The following ELAVL1 variants were observed in gnomAD, a reference collection of about 807,000 sequenced individuals.
ELAVL1 encodes ELAV like RNA binding protein 1, also known as ELAV-like protein 1.
In ELAVL1, 1 loss-of-function variant was observed where a neutral mutation model predicts 28.4. That is an observed-to-expected ratio of 0.04 (90% CI 0.01 to 0.17). The LOEUF (loss-of-function observed/expected upper bound fraction) is 0.17. Among genes scored for constraint, ELAVL1 ranks in the 10% least tolerant of loss-of-function variants. ELAVL1 has a pLI of 1.00. For synonymous variants in ELAVL1, 174 were observed against 183.5 expected (o/e 0.95, Z 0.42); for missense variants, 157 against 447.2 (o/e 0.35, Z 5.85).
At chr19:7,995,268 T>C (rs1225293440) in intron 1 of ELAVL1, among the ~76,000 whole-genome samples, 1 of 152,264 alleles carries the variant, frequency 6.6e-6, no homozygotes, top group East Asian at 1.9e-4. Flanking sequence ...TTGCTCAAAA[T>C]GTAATTCAAG....
chr19:8,000,383 T>C (rs1474000719), intron 1 of ELAVL1, among the ~76,000 whole-genome samples: 1 of 152,216 alleles, frequency 6.6e-6, no homozygotes, highest in Admixed American at 6.5e-5. Flanking sequence ...TCTTTATGTG[T>C]GACAGAAAAA....
intron 5 of ELAVL1, among the ~76,000 whole-genome samples, 179 bp downstream of exon 5, chr19:7,967,386 C>T (rs954372769): frequency 6.6e-6 from 1 of 152,212 alleles, no homozygotes; most frequent in African/African-American, 2.4e-5. Flanking sequence ...CGGAAGTAAA[C>T]GGCTTTCCTA....
rs1192673200 is a variant in ELAVL1, at chr19:7,979,789, C to T, written c.276+1294G>A. Among the ~76,000 whole-genome samples the T allele has an allele frequency of 1.3e-5, 2 of 152,326 alleles. No individual in the cohort carries two copies. Among genetic ancestry groups the T allele is most frequent in the East Asian group, 1.9e-4 (1 of 5,178 alleles). On this transcript the variant is annotated intron_variant, in intron 3 of 5. Coordinates refer to ENST00000407627, the MANE Select transcript of ELAVL1 (RefSeq NM_001419.3). The surrounding 1 kb of genome is among the most constrained non-coding windows in gnomAD (Gnocchi z 5.4). ...GCGGCATGGGGCAGGTCTGGGAGAG[C>T]TGCTGCTGAGCCAGGGTTTGGCCAC... is the stretch of plus-strand genomic sequence containing the variant.
chr19:7,967,450 C>T (rs1046523870), intron 5 of ELAVL1, 115 bp downstream of exon 5: 33 of 1,172,142 alleles, frequency 2.8e-5, no homozygotes, highest in African/African-American at 2.0e-4. Flanking sequence ...GATTCTGAAA[C>T]GCGCTCTCTG....
intron 4 of ELAVL1, among the ~76,000 whole-genome samples, chr19:7,969,030 G>A (rs1261184434): frequency 6.6e-6 from 1 of 152,176 alleles, no homozygotes; most frequent in African/African-American, 2.4e-5. Flanking sequence ...GTCCCAGTGG[G>A]AGAGGCCGTC....
intron 1 of ELAVL1, among the ~76,000 whole-genome samples, chr19:7,992,918 G>A (rs1985789340): frequency 6.6e-6 from 1 of 152,204 alleles, no homozygotes; most frequent in South Asian, 2.1e-4. Context: ...TGGGAACGCA[G>A]GCATGTGCCA....
chr19:7,963,905 A>C lies in ELAVL1; in HGVS notation c.657-98T>G, dbSNP rs1173653129. 7.3e-7 allele frequency: 1 copy of C among 1,366,570 alleles called. No homozygotes were observed. The highest frequency in any genetic ancestry group is 9.9e-7 in the Non-Finnish European group (1 of 1,015,026). 84.7% of individuals were successfully genotyped at this position (1,366,570 alleles called of 1,614,324 possible). On this transcript the variant is annotated intron_variant, in intron 5 of 5. Coordinates refer to ENST00000407627, the MANE Select transcript of ELAVL1 (RefSeq NM_001419.3). The surrounding 1 kb of genome is among the most constrained non-coding windows in gnomAD (Gnocchi z 4.5). ...ATGCTGACCATGGCCGCTGGGCCCC[A>C]TCCCGCTCTGCGCAGCCACGAGGTG...
rs138277771 is a variant in ELAVL1 at position 7,968,424 on chromosome 19, C to T, written c.431-634G>A. On this transcript the variant is annotated intron_variant, in intron 4 of 5. Coordinates refer to ENST00000407627, the MANE Select transcript of ELAVL1 (RefSeq NM_001419.3). ...CTCACTCCTGTCTTGGGATACTCCA[C>T]TCTAAGGTCCTACACCCCTCCCGTG... 1.1e-3 allele frequency among the ~76,000 whole-genome samples: 164 copies of T among 152,376 alleles called. 1 individual carries two copies. The highest frequency in any genetic ancestry group is 3.8e-3 in the African/African-American group (160 of 41,596).
chr19:7,998,398 A>G (rs2081056445), intron 1 of ELAVL1, among the ~76,000 whole-genome samples: 1 of 152,218 alleles, frequency 6.6e-6, no homozygotes, highest in African/African-American at 2.4e-5. Context: ...CGGCGGTCAC[A>G]CGATGATGCT....
intron 1 of ELAVL1, among the ~76,000 whole-genome samples, chr19:7,998,983 G>A (rs2145229204): frequency 6.6e-6 from 1 of 151,754 alleles, no homozygotes; most frequent in Non-Finnish European, 1.5e-5. Flanking sequence ...TCATTTTGTT[G>A]CCCATGCTGG....
Position 7,991,792 on chromosome 19 carries a change from G to A in ELAVL1, c.24C>T (p.His8=). 1.2e-6 allele frequency: 2 copies of A among 1,613,532 alleles called. No homozygotes were observed. Among genetic ancestry groups the A allele is most frequent in the South Asian group, 1.1e-5 (1 of 90,918 alleles). ...TGTCACCCCTGCAGTCTTCGGCCAT[G>A]TGGTCTTCATAACCATTAGACATTG... is the stretch of plus-strand genomic sequence containing the variant. MSNGYED[H]MAEDCRGDIG... The change falls in exon 2 of 6, where the codon CAC becomes CAT. Residue 8 remains histidine, a synonymous_variant. Transcript: ENST00000407627.
At position 7,991,756 on chromosome 19, in the gene ELAVL1, C is replaced by T. The variant is rs142415817; in HGVS notation, c.60G>A (p.Thr20=). ...GAGGGAGGTAGTTGACGATCAAATT[C>T]GTTCTCCCGATGTCACCCCTGCAGT... ...AEDCRGDIGR[T]NLIVNYLPQN... The change falls in exon 2 of 6, where the codon ACG becomes ACA. Residue 20 remains threonine, a synonymous_variant. Transcript: ENST00000407627. The T allele has an allele frequency of 6.4e-5, 104 of 1,614,152 alleles. No individual in the cohort carries two copies. Among genetic ancestry groups the T allele is most frequent in the Middle Eastern group, 4.9e-4 (3 of 6,062 alleles).
rs1033081374 is a variant in ELAVL1 at position 7,959,987 on chromosome 19, A to G, written c.*3496T>C. The G allele has an allele frequency of 5.3e-5, 8 of 152,172 alleles. No homozygotes were observed. Among genetic ancestry groups the G allele is most frequent in the African/African-American group, 1.9e-4 (8 of 41,420 alleles). 9.4% of individuals were successfully genotyped at this position (152,172 alleles called of 1,614,324 possible). A position where few individuals can be genotyped will look rare whatever the true frequency, so the allele number is the denominator to read the frequency against. ...CAGGAAGGCTGCGAAAAGCACATGG[A>G]AATAAAAGGGGGCTGAATCGGATGT... is the stretch of plus-strand genomic sequence containing the variant. On this transcript the variant is annotated 3_prime_UTR_variant, in exon 6 of 6. Transcript: ENST00000407627.
chr19:7,987,351 G>A (rs1016763325), intron 2 of ELAVL1, among the ~76,000 whole-genome samples: 2 of 152,190 alleles, frequency 1.3e-5, no homozygotes, highest in Non-Finnish European at 2.9e-5. Context: ...CTGATCCCCC[G>A]AGGGACATAT....
chr19:8,001,602 C>T (rs547400089), intron 1 of ELAVL1, among the ~76,000 whole-genome samples: 6 of 152,032 alleles, frequency 3.9e-5, no homozygotes, highest in Non-Finnish European at 8.8e-5. Context: ...GTGATTCCTT[C>T]CCCTGACATA....
In ELAVL1 at chr19:7,981,072, G is replaced by C. The variant is rs761787415; in HGVS notation, c.276+11C>G. The C allele has an allele frequency of 6.2e-7, 1 of 1,613,394 alleles. No homozygotes were observed. Among genetic ancestry groups the C allele is most frequent in the South Asian group, 1.1e-5 (1 of 91,046 alleles). ...GCAGGAATGGATGCGGTGGTGATCA[G>C]ATCCCTTTACCTTAATGGTTTTTGA... is the stretch of plus-strand genomic sequence containing the variant. On this transcript the variant is annotated intron_variant, in intron 3 of 5. Coordinates refer to ENST00000407627, the MANE Select transcript of ELAVL1 (RefSeq NM_001419.3). This position sits in a 1 kb window ranked among gnomAD's most constrained non-coding sequence, Gnocchi z 4.2.
chr19:7,970,173 G>A (rs1057201922), intron 4 of ELAVL1, among the ~76,000 whole-genome samples: 1 of 150,350 alleles, frequency 6.7e-6, no homozygotes, highest in Admixed American at 6.6e-5. Context: ...TATTTATTTA[G>A]AGATGGAGTT....
chr19:7,981,248 T>A lies in ELAVL1; in HGVS notation c.173-62A>T. ...CGTCTGCGAGTGAGGGACAGGGAGGTCGGGAAGCACTATATCTGCCTGGCC... is the reference window on the plus strand; with the variant it reads ...CGTCTGCGAGTGAGGGACAGGGAGGACGGGAAGCACTATATCTGCCTGGCC... On this transcript the variant is annotated intron_variant, in intron 2 of 5. Coordinates refer to ENST00000407627, the MANE Select transcript of ELAVL1 (RefSeq NM_001419.3). The surrounding 1 kb of genome is among the most constrained non-coding windows in gnomAD (Gnocchi z 4.2). 1.9e-6 allele frequency: 3 copies of A among 1,544,964 alleles called. No individual in the cohort carries two copies. The highest frequency in any genetic ancestry group is 1.8e-6 in the Non-Finnish European group (2 of 1,117,800).
At chr19:7,976,372 A>G (rs569773616) in intron 3 of ELAVL1, among the ~76,000 whole-genome samples, 1 of 151,946 alleles carries the variant, frequency 6.6e-6, no homozygotes, top group Non-Finnish European at 1.5e-5. Flanking sequence ...ACTGCACTCC[A>G]GCCTGAGTGA....
Sources: allele counts gnomAD v4.1 joint callset (sites outside exome capture counted in the v4.1 genomes callset), GRCh38; gene constraint gnomAD v4.1.1; non-coding constraint Gnocchi (gnomAD v3.1); transcripts MANE v1.5; gene names NCBI Gene and HGNC (gene_info 2026-07-23, HGNC 2026-07-21).